SVEP1: variants seen among roughly 807,000 people sequenced by gnomAD.
SVEP1 encodes the protein sushi, von Willebrand factor type A, EGF and pentraxin domain containing 1.
Under a neutral mutation model 367.3 loss-of-function variants are expected in SVEP1, and 164 were observed. The ratio of observed to expected loss-of-function variants is 0.45; its 90% CI spans 0.39 to 0.51. The LOEUF (loss-of-function observed/expected upper bound fraction) is 0.51. Among genes scored for constraint, SVEP1 ranks in the 20% least tolerant of loss-of-function variants. The probability of loss-of-function intolerance (pLI) is 0.00; values close to 1 mark genes in which losing one functional copy is unlikely to be tolerated. For synonymous variants in SVEP1, 1,666 were observed against 1,611.6 expected (o/e 1.03, Z -0.81); for missense variants, 4,117 against 4,425.3 (o/e 0.93, Z 1.98).
intron 20 of SVEP1, 59 bp from the exon 21 acceptor site, chr9:110,457,411 T>C: frequency 7.4e-7 from 1 of 1,354,102 alleles, no homozygotes; most frequent in Non-Finnish European, 1.0e-6. Flanking sequence ...TTCAAAGCAG[T>C]CCTGATTAGA....
Position 110,407,439 on chromosome 9 carries a change from T to C in SVEP1, c.8161A>G (p.Thr2721Ala). The C allele has an allele frequency of 6.2e-7, 1 of 1,613,974 alleles. No individual in the cohort carries two copies. The highest frequency in any genetic ancestry group is 1.7e-5 in the Admixed American group (1 of 60,008). ...CGCAAAAAGCCATTTTCAGGAGCAG[T>C]AGGCAAGTCACATTCAATTGAAATG... ...SCISIECDLPTAPENGFLRFT... is the reference protein window; with the variant it reads ...SCISIECDLPAAPENGFLRFT... Residue 2721 changes from threonine (T) to alanine (A), a missense_variant, in exon 38 of 48, where the codon ACT (threonine) becomes GCT (alanine). Transcript: ENST00000374469.
chr9:110,516,230 TAAACTA>T (rs946202932), intron 3 of SVEP1, among the ~76,000 whole-genome samples: 2 of 150,406 alleles, frequency 1.3e-5, no homozygotes, highest in African/African-American at 2.4e-5. Flanking sequence ...AACATTATAA[TAAACTA>T]AAACTAAAAC....
intron 29 of SVEP1, 39 bp downstream of exon 29, chr9:110,435,202 C>T: frequency 6.2e-7 from 1 of 1,605,814 alleles, no homozygotes; most frequent in Non-Finnish European, 8.5e-7. Flanking sequence ...CCAGGGTGGT[C>T]AAGAGATAGT....
In SVEP1 at chr9:110,407,402, G is replaced by C. The variant is rs373082070; in HGVS notation, c.8198C>G (p.Thr2733Ser). 6.2e-7 allele frequency: 1 copy of C among 1,614,008 alleles called. No individual in the cohort carries two copies. Among genetic ancestry groups the C allele is most frequent in the Non-Finnish European group, 8.5e-7 (1 of 1,179,890 alleles). The change falls in exon 38 of 48, where the codon ACT becomes AGT. Residue 2733 changes from threonine to serine, a missense_variant. By Grantham distance (58) the Thr-to-Ser change is moderately conservative (BLOSUM62 1). This residue lies in a region of SVEP1 where 1,765 missense variants were observed against 1,781.1 expected (regional missense o/e 0.99). Coordinates refer to ENST00000374469, the MANE Select transcript of SVEP1 (RefSeq NM_153366.4). Reference sequence around the variant, plus strand: ...ATACTGCACAGCACTTCCCATGCTAGTCTCTGTAAAACGCAAAAAGCCATT... The same window carrying C: ...ATACTGCACAGCACTTCCCATGCTACTCTCTGTAAAACGCAAAAAGCCATT... ...PENGFLRFTETSMGSAVQYSC... is the reference protein window; with the variant it reads ...PENGFLRFTESSMGSAVQYSC...
At chr9:110,503,837 C>A (rs1383848408) in intron 5 of SVEP1, among the ~76,000 whole-genome samples, 1 of 152,018 alleles carries the variant, frequency 6.6e-6, no homozygotes, top group African/African-American at 2.4e-5. Context: ...GCATTAACAT[C>A]AGTTTATTTT....
chr9:110,455,304 A>G (rs1346709897), intron 22 of SVEP1, among the ~76,000 whole-genome samples: 1 of 152,218 alleles, frequency 6.6e-6, no homozygotes, highest in East Asian at 1.9e-4. Context: ...GTGAAGTTAA[A>G]TGTCTTGTCC....
chr9:110,484,818 C>G (rs1296769730), intron 9 of SVEP1, among the ~76,000 whole-genome samples: 19 of 151,892 alleles, frequency 1.3e-4, no homozygotes, highest in African/African-American at 4.6e-4. Context: ...ATGCGGCCAA[C>G]AAACATATGA....
At chr9:110,366,660 C>T (rs534938367) in intron 47 of SVEP1, 100 bp from the exon 48 acceptor site, 19 of 1,196,390 alleles carry the variant, frequency 1.6e-5, no homozygotes, top group Admixed American at 2.7e-5. Context: ...GATTGAAAGT[C>T]CCAGATACCT....
intron 3 of SVEP1, among the ~76,000 whole-genome samples, chr9:110,543,732 T>A (rs1830182926): frequency 6.6e-6 from 1 of 152,150 alleles, no homozygotes; most frequent in Admixed American, 6.5e-5. Context: ...GCAGACATGC[T>A]GACTACAGCA....
intron 13 of SVEP1, among the ~76,000 whole-genome samples, chr9:110,476,564 T>C (rs1032736755): frequency 1.3e-5 from 2 of 152,128 alleles, no homozygotes; most frequent in African/African-American, 4.8e-5. Flanking sequence ...CCAGCGCTCC[T>C]GGAATATCTC....
intron 3 of SVEP1, among the ~76,000 whole-genome samples, chr9:110,514,471 C>T (rs1022128133): frequency 1.3e-5 from 2 of 148,326 alleles, no homozygotes; most frequent in African/African-American, 2.5e-5. Flanking sequence ...TGAGATAGCA[C>T]CACTGCACTC....
chr9:110,529,646 T>C (rs1829991846), intron 3 of SVEP1, among the ~76,000 whole-genome samples: 1 of 152,082 alleles, frequency 6.6e-6, no homozygotes, highest in Non-Finnish European at 1.5e-5. Flanking sequence ...GATTGAGTTA[T>C]TTATTTGATT....
intron 14 of SVEP1, among the ~76,000 whole-genome samples, chr9:110,474,248 C>T (rs1183044614): frequency 1.2e-4 from 19 of 152,290 alleles, no homozygotes; most frequent in African/African-American, 4.6e-4. Context: ...GATCTGCCCA[C>T]CTCAGCCTCC....
rs1828611548 is a variant in SVEP1, at chr9:110,447,006, A to G, written c.4155T>C (p.Asn1385=). 6.5e-7 allele frequency: 1 copy of G among 1,543,700 alleles called. No individual in the cohort carries two copies. Residue 1385 remains asparagine, a synonymous_variant, in exon 25 of 48, where the codon AAT becomes AAC. Coordinates refer to ENST00000374469, the MANE Select transcript of SVEP1 (RefSeq NM_153366.4). The stretch of plus-strand genomic sequence containing the variant: ...TTCTACATGGATTAGACTGACATTC[A>G]TTGATGTTCAATTCACAGTGTGATC... ...FTGSHCELNI[N]ECQSNPCRNQ... is the part of the protein sequence containing the mutation.
intron 3 of SVEP1, among the ~76,000 whole-genome samples, chr9:110,538,006 A>G (rs1200350111): frequency 6.6e-6 from 1 of 151,992 alleles, no homozygotes; most frequent in Non-Finnish European, 1.5e-5. Flanking sequence ...TATAACAATA[A>G]GCAGATATTG....
chr9:110,400,757 A>C, intron 40 of SVEP1, 97 bp downstream of exon 40: 1 of 1,305,776 alleles, frequency 7.7e-7, no homozygotes, highest in East Asian at 2.5e-5. Context: ...ATCTTTTGAG[A>C]CCAAAGTCAG....
rs552313123 is a variant in SVEP1, at chr9:110,400,903, G to A, written c.9773C>T (p.Thr3258Ile). Reference protein sequence around the residue: ...EHGFVVGSKYTFESTIIYQCE... With the variant: ...EHGFVVGSKYIFESTIIYQCE... ...CTGATAAATAATTGTGCTTTCAAAG[G>A]TGTATTTACTGCCAACCACAAATCC... The change falls in exon 40 of 48, where the codon ACC (threonine) becomes ATC (isoleucine). Residue 3258 changes from threonine (T) to isoleucine (I), a missense_variant. By Grantham distance (89) the Thr-to-Ile change is moderately conservative (BLOSUM62 -1). Transcript: ENST00000374469. The A allele has an allele frequency of 1.9e-6, 3 of 1,613,824 alleles. No homozygotes were observed. The highest frequency in any genetic ancestry group is 2.5e-6 in the Non-Finnish European group (3 of 1,179,836).
chr9:110,439,834 C>T (rs935779949), intron 27 of SVEP1, among the ~76,000 whole-genome samples: 1 of 152,170 alleles, frequency 6.6e-6, no homozygotes, highest in South Asian at 2.1e-4. Context: ...CATCCTTATG[C>T]CTCTGGTCAG....
intron 46 of SVEP1, among the ~76,000 whole-genome samples, chr9:110,374,598 C>G (rs759853753): frequency 6.6e-6 from 1 of 152,118 alleles, no homozygotes; most frequent in Non-Finnish European, 1.5e-5. Flanking sequence ...TTCAGTGAGT[C>G]AAGATTGCGC....
Sources: gnomAD v4.1 joint callset for allele counts (sites outside exome capture counted in the v4.1 genomes callset) on GRCh38, gnomAD v4.1.1 for gene constraint, gnomAD v4.1.1 regional missense constraint, MANE v1.5 for transcripts, NCBI Gene and HGNC (gene_info 2026-07-23, HGNC 2026-07-21) for gene names.